The following RBFOX2 variants were observed in gnomAD, a reference collection of about 807,000 sequenced individuals.
The protein encoded by RBFOX2 is RNA binding protein fox-1 homolog 2.
A neutral mutation model predicts 49.1 loss-of-function variants in RBFOX2; 10 were observed. The observed-to-expected ratio is 0.20, with a 90% CI of 0.13 to 0.35. The LOEUF is 0.35. Ranked by LOEUF, RBFOX2 falls within the 10% of genes least tolerant of loss-of-function variation. RBFOX2 has a pLI of 1.00. For missense variants in RBFOX2, 323 were observed against 486.9 expected, an observed-to-expected ratio of 0.66 and a Z score of 3.17; for synonymous variants, 183 against 187.4, an observed-to-expected ratio of 0.98 and a Z score of 0.19.
chr22:35,882,796 A>C (rs2046083358), intron 1 of RBFOX2, among the ~76,000 whole-genome samples: 1 of 152,218 alleles, frequency 6.6e-6, no homozygotes, highest in African/African-American at 2.4e-5. Flanking sequence ...AGTTTTGCAC[A>C]TATCATCTGG....
chr22:35,906,197 G>A (rs879498823), intron 1 of RBFOX2, among the ~76,000 whole-genome samples: 2 of 152,158 alleles, frequency 1.3e-5, no homozygotes, highest in Non-Finnish European at 2.9e-5. Flanking sequence ...TTTTAAATGG[G>A]AGGAAAAGAT....
chr22:35,831,076 A>G (rs867625212), intron 1 of RBFOX2, among the ~76,000 whole-genome samples: 9 of 152,200 alleles, frequency 5.9e-5, no homozygotes, highest in Admixed American at 1.3e-4. Context: ...TCAGCAAACT[A>G]TAGCTTGTGG....
intron 2 of RBFOX2, among the ~76,000 whole-genome samples, chr22:35,809,062 A>T (rs1254129558): frequency 6.6e-6 from 1 of 152,064 alleles, no homozygotes; most frequent in Non-Finnish European, 1.5e-5. Flanking sequence ...CATTAAAAAA[A>T]AAAAAAAACC....
chr22:35,863,860 C>T (rs752950519), intron 1 of RBFOX2, among the ~76,000 whole-genome samples: 9 of 152,182 alleles, frequency 5.9e-5, no homozygotes, highest in Non-Finnish European at 1.2e-4. Flanking sequence ...TATGGAACTT[C>T]CCCCAAAGCG....
chr22:36,012,343 G>A (rs2146389514), intron 1 of RBFOX2, among the ~76,000 whole-genome samples: 1 of 152,314 alleles, frequency 6.6e-6, no homozygotes, highest in African/African-American at 2.4e-5. Flanking sequence ...GAGGCTTAGA[G>A]AGGTATATTT....
intron 1 of RBFOX2, among the ~76,000 whole-genome samples, chr22:36,013,648 CAG>C (rs373268996): frequency 4.4e-3 from 646 of 146,960 alleles, no homozygotes; most frequent in African/African-American, 0.011. Flanking sequence ...CACACACACA[CAG>C]AGAGAGAGAG....
At chr22:35,760,437 ATGT>A (rs879510081) in intron 8 of RBFOX2, among the ~76,000 whole-genome samples, 8 of 152,196 alleles carry the variant, frequency 5.3e-5, no homozygotes, top group Non-Finnish European at 7.4e-5. Context: ...TTGCTTCCCA[ATGT>A]TACTATGTCC....
intron 1 of RBFOX2, among the ~76,000 whole-genome samples, chr22:35,880,309 C>G (rs1268116633): frequency 6.6e-6 from 1 of 152,018 alleles, no homozygotes; most frequent in African/African-American, 2.4e-5. Flanking sequence ...AGAAAGATGT[C>G]ATTATCTGAG....
intron 1 of RBFOX2, chr22:35,996,721 G>A (rs965689087): frequency 2.0e-5 from 3 of 152,112 alleles, no homozygotes; most frequent in African/African-American, 7.2e-5. Context: ...GGAAATATGA[G>A]GCTGCTGAGA....
At position 35,907,897 on chromosome 22, in the gene RBFOX2, TC is replaced by T. The variant is rs368167718; in HGVS notation, c.-34+30949del. Among the ~76,000 whole-genome samples, 119 of 152,266 alleles carry T rather than the reference TC, an allele frequency of 7.8e-4. No homozygotes were observed. In the South Asian group the frequency reaches 0.023, roughly 30 times the overall value. On this transcript the variant is annotated intron_variant, in intron 1 of 13. Transcript: ENST00000359369. ...TCTGACCTTAAGAGATCTACCTGCC[TC>T]GACCTCCCAAAGTGCTGGAATTACA...
At chr22:35,832,099 C>T (rs73159796) in intron 1 of RBFOX2, among the ~76,000 whole-genome samples, 1,958 of 152,294 alleles carry the variant, frequency 0.013, 22 homozygotes, top group Admixed American at 0.024. Context: ...CAGTTGTATG[C>T]GATGGCTCAC....
At chr22:35,845,081 G>T (rs984604252), upstream of RBFOX2, among the ~76,000 whole-genome samples, 14 of 151,950 alleles carry the variant, frequency 9.2e-5, no homozygotes, top group African/African-American at 3.4e-4. Context: ...ACTTTCCCAG[G>T]CTGCCTCTGA....
chr22:35,868,815 G>GA (rs892119661), intron 1 of RBFOX2, among the ~76,000 whole-genome samples: 39 of 152,124 alleles, frequency 2.6e-4, no homozygotes, highest in African/African-American at 8.9e-4. Flanking sequence ...TAAAGATTAA[G>GA]AAACAACAGG....
At chr22:35,806,748 A>C (rs76309001) in intron 2 of RBFOX2, among the ~76,000 whole-genome samples, 2,065 of 152,298 alleles carry the variant, frequency 0.014, 36 homozygotes, top group African/African-American at 0.035. Flanking sequence ...ATGCTCCAAT[A>C]AAAAGACAGA....
At chr22:35,925,752 G>C (rs1282114649) in intron 1 of RBFOX2, among the ~76,000 whole-genome samples, 1 of 152,176 alleles carries the variant, frequency 6.6e-6, no homozygotes, top group Non-Finnish European at 1.5e-5. Flanking sequence ...GGCTTGAACA[G>C]AGTACCTTAC....
chr22:35,899,219 C>T (rs1603443347), intron 1 of RBFOX2, among the ~76,000 whole-genome samples: 1 of 148,830 alleles, frequency 6.7e-6, no homozygotes, highest in Non-Finnish European at 1.5e-5. Flanking sequence ...AAAGACATAC[C>T]CTGCAGCAAA....
At chr22:35,988,212 A>T (rs777835253) in intron 1 of RBFOX2, among the ~76,000 whole-genome samples, 3 of 152,328 alleles carry the variant, frequency 2.0e-5, no homozygotes, top group Middle Eastern at 3.4e-3. Context: ...CACCCTGCAA[A>T]TCTAGGATCT....
At chr22:35,762,832 T>C (rs952528608) in intron 6 of RBFOX2, among the ~76,000 whole-genome samples, 6 of 152,164 alleles carry the variant, frequency 3.9e-5, no homozygotes, top group African/African-American at 1.4e-4. Flanking sequence ...AAAGAATTAT[T>C]GAAATTACCA....
intron 1 of RBFOX2, among the ~76,000 whole-genome samples, chr22:36,001,184 TAC>T (rs57905429): frequency 0.14 from 18,358 of 133,318 alleles, 1,280 homozygotes; most frequent in Middle Eastern, 0.23. Flanking sequence ...CCCCAAAACA[TAC>T]ACACACACAC....
Sources: gnomAD v4.1 joint callset for allele counts (sites outside exome capture counted in the v4.1 genomes callset) on GRCh38, gnomAD v4.1.1 for gene constraint, MANE v1.5 for transcripts, NCBI Gene and HGNC (gene_info 2026-07-23, HGNC 2026-07-21) for gene names.